The following CIITA variants were observed in gnomAD, a reference collection of about 807,000 sequenced individuals.
CIITA encodes the protein class II major histocompatibility complex transactivator.
CIITA carries 72 observed loss-of-function variants against 115.1 expected under a neutral mutation model. That is an observed-to-expected ratio of 0.63 (90% CI 0.52 to 0.76). CIITA has a LOEUF of 0.76. Ranked by LOEUF, CIITA falls within the 30% of genes least tolerant of loss-of-function variation. The pLI, the probability that CIITA is intolerant of heterozygous loss-of-function variation, is 0.00. For synonymous variants in CIITA, 763 were observed against 635.6 expected (o/e 1.20, Z -3.02); for missense variants, 1,617 against 1,463.8 (o/e 1.10, Z -1.71).
intron 13 of CIITA, chr16:10,915,043 TTTTC>T (rs770178109): frequency 2.2e-6 from 1 of 456,314 alleles, no homozygotes; most frequent in Non-Finnish European, 4.4e-6. Flanking sequence ...CCTCTTTTTC[TTTTC>T]TTTTTTTGTT....
intron 16 of CIITA, among the ~76,000 whole-genome samples, chr16:10,921,358 G>T (rs2040260420): frequency 6.6e-6 from 1 of 152,206 alleles, no homozygotes; most frequent in African/African-American, 2.4e-5. Context: ...ATATGCTGCA[G>T]AAACTGGAGC....
chr16:10,898,897 A>G, intron 4 of CIITA, 28 bp from the exon 5 acceptor site: 1 of 1,612,898 alleles, frequency 6.2e-7, no homozygotes, highest in Non-Finnish European at 8.5e-7. Flanking sequence ...TGATTGTGTG[A>G]GTTGGTCTCT....
rs565948365 is a variant in CIITA, at chr16:10,901,515, C to T, written c.438C>T (p.Pro146=). The part of the protein sequence containing the change: ...AEVGQKSQKR[P]FPEELPADLK... The stretch of plus-strand genomic sequence containing the variant: ...GCTGATCACATGTTTTCTCTGCAGC[C>T]TTCCCAGAGGAGCTTCCGGCAGACC... The change falls in exon 6 of 20, where the codon CCC becomes CCT. Residue 146 remains proline (P), a splice_region_variant and synonymous_variant. Transcript: ENST00000324288. This position sits in a 1 kb window ranked among gnomAD's most constrained non-coding sequence, Gnocchi z 6.8. The T allele has an allele frequency of 6.8e-6, 11 of 1,614,006 alleles. No homozygotes were observed. Among genetic ancestry groups the T allele is most frequent in the Non-Finnish European group, 8.5e-6 (10 of 1,180,042 alleles).
chr16:10,897,879 T>C (rs1462261675), intron 3 of CIITA, among the ~76,000 whole-genome samples: 1 of 152,194 alleles, frequency 6.6e-6, no homozygotes, highest in African/African-American at 2.4e-5. Context: ...AAGCCTTCTA[T>C]GGCTCCCCAT....
rs763739028 is a variant in CIITA at position 10,906,795 on chromosome 16, C to T, written c.1303C>T (p.Arg435Trp). The stretch of plus-strand genomic sequence containing the variant: ...GAGCTATTGGGCTGGGGCAGTGAGC[C>T]GGGCCTGGGCTTGTGGCCGGCTTCC... ...GKSYWAGAVS[R>W]AWACGRLPQY... Residue 435 changes from arginine (R) to tryptophan (W), a missense_variant, in exon 11 of 20, where the codon CGG (arginine) becomes TGG (tryptophan). Transcript: ENST00000324288. 14 of 1,612,138 alleles carry T rather than the reference C, an allele frequency of 8.7e-6. No homozygotes were observed. The highest frequency in any genetic ancestry group is 2.2e-5 in the East Asian group (1 of 44,882).
Position 10,927,833 on chromosome 16 carries a change from G to A in CIITA, c.*3978G>A, listed in dbSNP as rs898938719. ...TCTGACTTCTTTGGAGGACCTCTCT[G>A]CAGGGACAGGCACAGTGTGCCGGAA... On this transcript the variant is annotated 3_prime_UTR_variant, in exon 20 of 20. Transcript: ENST00000324288. 2 of 152,276 alleles carry A rather than the reference G, an allele frequency of 1.3e-5. No homozygotes were observed. The highest frequency in any genetic ancestry group is 4.8e-5 in the African/African-American group (2 of 41,470). The allele number at this position is 152,276 out of a possible 1,614,324, so 9.4% of individuals were successfully genotyped here. A position where few individuals can be genotyped will look rare whatever the true frequency, so the allele number is the denominator to read the frequency against.
intron 1 of CIITA, among the ~76,000 whole-genome samples, chr16:10,869,025 C>T (rs2035291314): frequency 6.6e-6 from 1 of 152,232 alleles, no homozygotes; most frequent in South Asian, 2.1e-4. Context: ...AAGAGAATTG[C>T]ATGGTTTGTA....
Position 10,941,698 on chromosome 16 carries a change from G to A in CIITA, n.824G>A, listed in dbSNP as rs757816732. On this transcript the variant is annotated non_coding_transcript_exon_variant, in exon 2 of 2. Transcript: ENST00000573379. This position sits in a 1 kb window ranked among gnomAD's most constrained non-coding sequence, Gnocchi z 6.4. The stretch of plus-strand genomic sequence containing the variant: ...TGGGTTGCGGATCGTGTAGGGAAGA[G>A]GGGAACAGCAGTCGAGACCCTACTC... 4 of 1,591,670 alleles carry A rather than the reference G, an allele frequency of 2.5e-6. No homozygotes were observed. The South Asian group carries it at 3.4e-5, about 14-fold the overall frequency.
chr16:10,918,754 G>GCCA (rs1263544351), intron 16 of CIITA, among the ~76,000 whole-genome samples: 3 of 152,222 alleles, frequency 2.0e-5, no homozygotes, highest in African/African-American at 7.2e-5. Flanking sequence ...AATGGTCTAT[G>GCCA]TAAGCACTTG....
chr16:10,883,955 C>G (rs1457260696), intron 1 of CIITA, among the ~76,000 whole-genome samples: 3 of 152,194 alleles, frequency 2.0e-5, no homozygotes, highest in Admixed American at 2.0e-4. Context: ...ACACTCAGCA[C>G]CAGACTGATA....
rs1199207686 is a variant in CIITA at position 10,929,420 on chromosome 16, C to T, written c.*5565C>T. The T allele has an allele frequency of 1.0e-5, 10 of 985,778 alleles. No homozygotes were observed. The highest frequency in any genetic ancestry group is 1.2e-5 in the Non-Finnish European group (10 of 829,960). The allele number at this position is 985,778 out of a possible 1,614,324, so 61.1% of individuals were successfully genotyped here. A position where few individuals can be genotyped will look rare whatever the true frequency, so the allele number is the denominator to read the frequency against. On this transcript the variant is annotated 3_prime_UTR_variant, in exon 20 of 20. Transcript: ENST00000324288. The surrounding 1 kb of genome is among the most constrained non-coding windows in gnomAD (Gnocchi z 4.3). ...ATTTGACACTGCAGGCAGATGAGGT[C>T]TTGGGATGCCTCTTGCGTTCCCCCT...
intron 1 of CIITA, among the ~76,000 whole-genome samples, chr16:10,893,873 G>C (rs1596490712): frequency 7.2e-6 from 1 of 139,336 alleles, no homozygotes; most frequent in East Asian, 2.4e-4. Flanking sequence ...TCAGAGAGTT[G>C]TGTGACCATC....
At position 10,942,628 on chromosome 16, in the gene CIITA, G is replaced by A. The variant is rs573205176; in HGVS notation, n.1754G>A. 2 of 152,460 alleles carry A rather than the reference G, an allele frequency of 1.3e-5. No individual in the cohort carries two copies. The highest frequency in any genetic ancestry group is 4.1e-4 in the South Asian group (2 of 4,842). 9.4% of individuals were successfully genotyped at this position (152,460 alleles called of 1,614,324 possible). On this transcript the variant is annotated non_coding_transcript_exon_variant, in exon 2 of 2. Coordinates refer to the CIITA transcript ENST00000573379. The surrounding 1 kb of genome is among the most constrained non-coding windows in gnomAD (Gnocchi z 5.0). ...GCCCTAGCGTCTGAGTTGCTTTCCT[G>A]GTTCGGGTCTGCCCTCAGATCTCAA... is the stretch of plus-strand genomic sequence containing the variant.
chr16:10,901,465 C>A lies in CIITA; in HGVS notation c.437-49C>A. 6.2e-7 allele frequency: 1 copy of A among 1,608,574 alleles called. No homozygotes were observed. Among genetic ancestry groups the A allele is most frequent in the Non-Finnish European group, 8.5e-7 (1 of 1,175,232 alleles). On this transcript the variant is annotated intron_variant, in intron 5 of 19. Transcript: ENST00000324288. This position sits in a 1 kb window ranked among gnomAD's most constrained non-coding sequence, Gnocchi z 6.8. Reference sequence around the variant, plus strand: ...TGCTAGAGTCCTGAGCCCCTTCTGGCTTGGGACATCCTCTCCCTGGGGCAG... The same window carrying A: ...TGCTAGAGTCCTGAGCCCCTTCTGGATTGGGACATCCTCTCCCTGGGGCAG...
chr16:10,912,535 T>C (rs1432783538), intron 13 of CIITA, among the ~76,000 whole-genome samples: 2 of 152,226 alleles, frequency 1.3e-5, no homozygotes, highest in African/African-American at 4.8e-5. Context: ...GTTAAGTGAC[T>C]TGCCCGTGGT....
chr16:10,886,886 G>A (rs931447504), intron 1 of CIITA, among the ~76,000 whole-genome samples: 2 of 152,174 alleles, frequency 1.3e-5, no homozygotes, highest in African/African-American at 4.8e-5. Context: ...CTATTATTAT[G>A]TTTTGTCTCT....
chr16:10,866,825 C>G (rs1251372990), intron 1 of CIITA, among the ~76,000 whole-genome samples: 2 of 152,216 alleles, frequency 1.3e-5, no homozygotes, highest in Non-Finnish European at 2.9e-5. Flanking sequence ...TGCTTGGGTT[C>G]ACTCCCTGAG....
At position 10,925,024 on chromosome 16, in the gene CIITA, G is replaced by T. The variant is rs1567454616; in HGVS notation, c.*1169G>T. The T allele has an allele frequency of 6.6e-6, 1 of 152,282 alleles. No homozygotes were observed. Among genetic ancestry groups the T allele is most frequent in the Non-Finnish European group, 1.5e-5 (1 of 68,066 alleles). The allele number at this position is 152,282 out of a possible 1,614,324, so 9.4% of individuals were successfully genotyped here. ...TGTCATTTGAGCAGGGCTCAGCGGG[G>T]ACAGCTCCTTCTGTCCTACTCTGTG... On this transcript the variant is annotated 3_prime_UTR_variant, in exon 20 of 20. Transcript: ENST00000324288.
At position 10,929,855 on chromosome 16, in the gene CIITA, G is replaced by C. The variant is rs1258352991; in HGVS notation, c.*6000G>C. 6.6e-6 allele frequency: 1 copy of C among 152,602 alleles called. No homozygotes were observed. Among genetic ancestry groups the C allele is most frequent in the Non-Finnish European group, 1.5e-5 (1 of 68,366 alleles). The allele number at this position is 152,602 out of a possible 1,614,324, so 9.5% of individuals were successfully genotyped here. On this transcript the variant is annotated 3_prime_UTR_variant, in exon 20 of 20. Coordinates refer to ENST00000324288, the MANE Select transcript of CIITA (RefSeq NM_000246.4). This position sits in a 1 kb window ranked among gnomAD's most constrained non-coding sequence, Gnocchi z 4.3. ...GGACTGTCCTGTTTATTGGGAGGGA[G>C]GAGGGGGATGCTGGTGCAGCCTGCT...
Sources: allele counts gnomAD v4.1 joint callset (sites outside exome capture counted in the v4.1 genomes callset), GRCh38; gene constraint gnomAD v4.1.1; non-coding constraint Gnocchi (gnomAD v3.1); transcripts MANE v1.5; gene names NCBI Gene and HGNC (gene_info 2026-07-23, HGNC 2026-07-21).